The following ST6GALNAC2 variants were observed in gnomAD, a reference collection of about 807,000 sequenced individuals.
The protein encoded by ST6GALNAC2 is ST6 N-acetylgalactosaminide alpha-2,6-sialyltransferase 2, also known as alpha-N-acetylgalactosaminide alpha-2,6-sialyltransferase 2.
Under a neutral mutation model 38.7 loss-of-function variants are expected in ST6GALNAC2, and 42 were observed. The ratio of observed to expected loss-of-function variants is 1.09; its 90% CI spans 0.85 to 1.40. The LOEUF (loss-of-function observed/expected upper bound fraction) is 1.40. ST6GALNAC2 is among the 40% of genes most tolerant of loss of function. The probability of loss-of-function intolerance (pLI) is 0.00; values close to 1 mark genes in which losing one functional copy is unlikely to be tolerated. For synonymous variants in ST6GALNAC2, 233 were observed against 209.0 expected, an observed-to-expected ratio of 1.11 and a Z score of -0.99; for missense variants, 506 against 481.7, an observed-to-expected ratio of 1.05 and a Z score of -0.47.
At chr17:76,575,527 G>T (rs2075406020) in intron 2 of ST6GALNAC2, among the ~76,000 whole-genome samples, 1 of 152,224 alleles carries the variant, frequency 6.6e-6, no homozygotes, top group Non-Finnish European at 1.5e-5. Flanking sequence ...GCCAGAGCTG[G>T]GAAAAGGCAG....
chr17:76,578,670 T>G, intron 2 of ST6GALNAC2, 86 bp downstream of exon 2: 237 of 1,295,220 alleles, frequency 1.8e-4, no homozygotes, highest in Non-Finnish European at 2.4e-4. Context: ...AGCAATCTCA[T>G]GAGAGTGTTC....
In ST6GALNAC2 at chr17:76,574,511, A is replaced by G; in HGVS notation, c.215T>C (p.Leu72Pro). 1 of 1,407,308 alleles carries G rather than the reference A, an allele frequency of 7.1e-7. No homozygotes were observed. Among genetic ancestry groups the G allele is most frequent in the Non-Finnish European group, 9.5e-7 (1 of 1,049,660 alleles). 87.2% of individuals were successfully genotyped at this position (1,407,308 alleles called of 1,614,324 possible). ...GAAGTGGGGGTGCCGCTGAATGGCC[A>G]GGTGAAGCAGGTGTCGGCAGGCCTG... is the stretch of plus-strand genomic sequence containing the variant. ...KGQACRHLLH[L>P]AIQRHPHFRG... is the part of the protein sequence containing the mutation. Residue 72 changes from leucine to proline, a missense_variant, in exon 3 of 9, where the codon CTG becomes CCG. Physicochemically the swap from Leu to Pro is moderately conservative, Grantham distance 98 (BLOSUM62 -3). Transcript: ENST00000225276.
At chr17:76,570,842 C>CT (rs2075345531) in intron 5 of ST6GALNAC2, 174 bp from the exon 6 acceptor site, 1 of 593,346 alleles carries the variant, frequency 1.7e-6, no homozygotes, top group East Asian at 2.8e-5. Context: ...CACAAATCCT[C>CT]TAATGCTCCT....
chr17:76,568,901 G>C, intron 6 of ST6GALNAC2, 105 bp from the exon 7 acceptor site: 1 of 1,047,792 alleles, frequency 9.5e-7, no homozygotes. Flanking sequence ...TACCCTGAGC[G>C]GTAGGAGCGG....
chr17:76,573,088 T>C lies in ST6GALNAC2; in HGVS notation c.530+107A>G, dbSNP rs2075371377. ...ATGCCCGTGTGCTGGTCACAACTGC[T>C]GAGCCGCCCAGGCCACTGCTGCCAT... On this transcript the variant is annotated intron_variant, in intron 4 of 8. Transcript: ENST00000225276. This position sits in a 1 kb window ranked among gnomAD's most constrained non-coding sequence, Gnocchi z 5.1. 1.6e-6 allele frequency: 2 copies of C among 1,268,936 alleles called. No individual in the cohort carries two copies. Among genetic ancestry groups the C allele is most frequent in the Non-Finnish European group, 2.2e-6 (2 of 927,990 alleles). 78.6% of individuals were successfully genotyped at this position (1,268,936 alleles called of 1,614,324 possible).
At chr17:76,583,259 C>T (rs941234159) in intron 1 of ST6GALNAC2, among the ~76,000 whole-genome samples, 3 of 149,822 alleles carry the variant, frequency 2.0e-5, no homozygotes, top group Admixed American at 6.8e-5. Context: ...ACCTGTAGAC[C>T]CAGCTACTCG....
chr17:76,571,727 C>A (rs1350049378), intron 5 of ST6GALNAC2, among the ~76,000 whole-genome samples: 3 of 152,206 alleles, frequency 2.0e-5, no homozygotes, highest in Non-Finnish European at 4.4e-5. Flanking sequence ...GAGGAAGCTT[C>A]TAGAAACCCA....
intron 1 of ST6GALNAC2, among the ~76,000 whole-genome samples, chr17:76,582,602 C>T (rs1405481778): frequency 6.6e-6 from 1 of 152,208 alleles, no homozygotes; most frequent in African/African-American, 2.4e-5. Context: ...AATAGAAATG[C>T]CCATGTGGGG....
At chr17:76,584,137 C>T (rs1381635613) in intron 1 of ST6GALNAC2, among the ~76,000 whole-genome samples, 3 of 151,268 alleles carry the variant, frequency 2.0e-5, no homozygotes, top group South Asian at 4.2e-4. Flanking sequence ...TATTTCAATA[C>T]GTGTATGTAA....
chr17:76,573,784 C>T lies in ST6GALNAC2; in HGVS notation c.362-421G>A, dbSNP rs914158208. Among the ~76,000 whole-genome samples the T allele has an allele frequency of 2.0e-5, 3 of 152,108 alleles. No individual in the cohort carries two copies. The highest frequency in any genetic ancestry group is 4.8e-5 in the African/African-American group (2 of 41,414). On this transcript the variant is annotated intron_variant, in intron 3 of 8. Coordinates refer to ENST00000225276, the MANE Select transcript of ST6GALNAC2 (RefSeq NM_006456.3). The surrounding 1 kb of genome is among the most constrained non-coding windows in gnomAD (Gnocchi z 5.1). ...CTCTATTAAAAATACAAAAATTAGC[C>T]AGGCGTGGTGGTGCGTGCCTAATCC... is the stretch of plus-strand genomic sequence containing the variant.
intron 8 of ST6GALNAC2, among the ~76,000 whole-genome samples, chr17:76,566,854 T>G (rs1203930299): frequency 6.6e-6 from 1 of 152,018 alleles, no homozygotes; most frequent in Non-Finnish European, 1.5e-5. Context: ...GGAAAAGATT[T>G]AGGTGTGAGT....
chr17:76,566,137 G>C lies in ST6GALNAC2; in HGVS notation c.1092C>G (p.His364Gln). 1 of 1,614,132 alleles carries C rather than the reference G, an allele frequency of 6.2e-7. No individual in the cohort carries two copies. Among genetic ancestry groups the C allele is most frequent in the Non-Finnish European group, 8.5e-7 (1 of 1,180,028 alleles). Reference protein sequence around the residue: ...SLEAALWRDLHKAGILQLYQR With the variant: ...SLEAALWRDLQKAGILQLYQR ...GGTACAGCTGAAGGATGCCGGCCTT[G>C]TGCAGGTCCCTCCACAGGGCAGCTT... The change falls in exon 9 of 9, where the codon CAC becomes CAG. Residue 364 changes from histidine to glutamine, a missense_variant. By Grantham distance (24) the His-to-Gln change is conservative (BLOSUM62 0). Transcript: ENST00000225276.
rs34207189 is a variant in ST6GALNAC2, at chr17:76,573,116, C to T, written c.530+79G>A. The T allele has an allele frequency of 0.12, 166,612 of 1,446,534 alleles. 10,360 individuals are homozygous for T. The highest frequency in any genetic ancestry group is 0.15 in the Middle Eastern group (661 of 4,434). 89.6% of individuals were successfully genotyped at this position (1,446,534 alleles called of 1,614,324 possible). A position where few individuals can be genotyped will look rare whatever the true frequency, so the allele number is the denominator to read the frequency against. ...GCCGCCCAGGCCACTGCTGCCATAG[C>T]CCACTGCCCCTGGGGGAGACACCCC... is the stretch of plus-strand genomic sequence containing the variant. On this transcript the variant is annotated intron_variant, in intron 4 of 8. Transcript: ENST00000225276. This position sits in a 1 kb window ranked among gnomAD's most constrained non-coding sequence, Gnocchi z 5.1.
chr17:76,576,577 A>G (rs1260435648), intron 2 of ST6GALNAC2, among the ~76,000 whole-genome samples: 1 of 152,144 alleles, frequency 6.6e-6, no homozygotes, highest in African/African-American at 2.4e-5. Flanking sequence ...TGGAGATTTC[A>G]GGTGTGCATG....
At chr17:76,574,703 G>A (rs1411823910) in intron 2 of ST6GALNAC2, among the ~76,000 whole-genome samples, 164 bp from the exon 3 acceptor site, 3 of 151,638 alleles carry the variant, frequency 2.0e-5, no homozygotes, top group South Asian at 4.2e-4. Flanking sequence ...TTGAGACAGA[G>A]TCTCGCTCTG....
At position 76,567,484 on chromosome 17, in the gene ST6GALNAC2, A is replaced by G. The variant is rs1009875910; in HGVS notation, c.926T>C (p.Met309Thr). The change falls in exon 8 of 9, where the codon ATG (methionine) becomes ACG (threonine). Residue 309 changes from methionine to threonine, a missense_variant. Coordinates refer to ENST00000225276, the MANE Select transcript of ST6GALNAC2 (RefSeq NM_006456.3). ...ACAGGTATGCAAAGCTGTCAGCAGC[A>G]TGAGAGCCCCGGTACTAGGCATATA... is the stretch of plus-strand genomic sequence containing the variant. ...DLYMPSTGAL[M>T]LLTALHTCDQ... The G allele has an allele frequency of 2.5e-6, 4 of 1,614,050 alleles. No individual in the cohort carries two copies. Among genetic ancestry groups the G allele is most frequent in the East Asian group, 2.2e-5 (1 of 44,890 alleles).
At chr17:76,579,743 C>G (rs1209933663) in intron 1 of ST6GALNAC2, among the ~76,000 whole-genome samples, 1 of 152,176 alleles carries the variant, frequency 6.6e-6, no homozygotes, top group East Asian at 1.9e-4. Context: ...TGAATCCAGC[C>G]TCTCTTCTCT....
intron 1 of ST6GALNAC2, among the ~76,000 whole-genome samples, chr17:76,584,691 G>A (rs1307909135): frequency 6.6e-6 from 1 of 152,196 alleles, no homozygotes; most frequent in Admixed American, 6.5e-5. Context: ...CTGGCAAGCT[G>A]TTTCACATTG....
Position 76,574,433 on chromosome 17 carries a change from G to A in ST6GALNAC2, c.293C>T (p.Thr98Ile), listed in dbSNP as rs781239304. Residue 98 changes from threonine (T) to isoleucine (I), a missense_variant, in exon 3 of 9, where the codon ACC becomes ATC. Transcript: ENST00000225276. ...IPVLLWGDLF[T>I]PALWDRLSQH... ...GCTCAGGCGGTCCCAGAGCGCTGGG[G>A]TGAAGAGGTCCCCCCACAGCAGCAC... 21 of 1,613,814 alleles carry A rather than the reference G, an allele frequency of 1.3e-5. No homozygotes were observed. The highest frequency in any genetic ancestry group is 6.6e-5 in the South Asian group (6 of 91,082).
Sources: gnomAD v4.1 joint callset for allele counts (sites outside exome capture counted in the v4.1 genomes callset) on GRCh38, gnomAD v4.1.1 for gene constraint, Gnocchi (gnomAD v3.1) non-coding constraint, MANE v1.5 for transcripts, NCBI Gene and HGNC (gene_info 2026-07-23, HGNC 2026-07-21) for gene names.